Variants in MBTPS1 observed in about 807,000 individuals in gnomAD.
The protein encoded by MBTPS1 is membrane-bound transcription factor site-1 protease.
Under a neutral mutation model 127.8 loss-of-function variants are expected in MBTPS1, and 94 were observed. The ratio of observed to expected loss-of-function variants is 0.74; its 90% confidence interval spans 0.62 to 0.87. The LOEUF is 0.87. MBTPS1 is among the 40% of genes least tolerant of loss of function. The probability of loss-of-function intolerance (pLI) is 0.00; values close to 1 mark genes in which losing one functional copy is unlikely to be tolerated. For synonymous variants in MBTPS1, 632 were observed against 509.4 expected (o/e 1.24, Z -3.24); for missense variants, 1,636 against 1,353.2 (o/e 1.21, Z -3.28).
intron 8 of MBTPS1, among the ~76,000 whole-genome samples, chr16:84,088,802 A>T (rs2086064872): frequency 6.6e-6 from 1 of 152,188 alleles, no homozygotes; most frequent in Non-Finnish European, 1.5e-5. Context: ...CAGTCCCACC[A>T]GATGCCCAAG....
chr16:84,081,892 C>T lies in MBTPS1; in HGVS notation c.1303G>A (p.Glu435Lys). 1 of 1,446,072 alleles carries T rather than the reference C, an allele frequency of 6.9e-7. No individual in the cohort carries two copies. Among genetic ancestry groups the T allele is most frequent in the East Asian group, 2.6e-5 (1 of 37,850 alleles). 89.6% of individuals were successfully genotyped at this position (1,446,072 alleles called of 1,614,324 possible). A position where few individuals can be genotyped will look rare whatever the true frequency, so the allele number is the denominator to read the frequency against. Residue 435 changes from glutamate to lysine, a missense_variant, in exon 11 of 23, where the codon GAG becomes AAG. Glu to Lys is a moderately conservative substitution (Grantham distance 56, BLOSUM62 1). Transcript: ENST00000343411. ...TLLVSTVQKR[E>K]LVNPASMKQA... ...TTCATACTGGCGGGATTCACCAGCT[C>T]ACGCTTCTGGACTGTGCTGGAGGAA...
At chr16:84,060,846 T>A in intron 19 of MBTPS1, 33 bp from the exon 20 acceptor site, 2 of 687,900 alleles carry the variant, frequency 2.9e-6, no homozygotes, top group East Asian at 6.2e-5. Flanking sequence ...TAGGAATTCC[T>A]TTTTTTTTTT....
intron 2 of MBTPS1, among the ~76,000 whole-genome samples, chr16:84,099,940 G>A (rs1203693852): frequency 6.6e-6 from 1 of 152,182 alleles, no homozygotes; most frequent in Non-Finnish European, 1.5e-5. Context: ...AAGAAATTCA[G>A]AGAACTGAAT....
At position 84,067,790 on chromosome 16, in the gene MBTPS1, T is replaced by C; in HGVS notation, c.2105A>G (p.Tyr702Cys). ...TLLMVDSEEE[Y>C]FPEEIAKLRR... ...GAGCTTGGCGATCTCTTCAGGGAAGTACTCCTCCTCACTGTCCACCATCAG... is the reference window on the plus strand; with the variant it reads ...GAGCTTGGCGATCTCTTCAGGGAAGCACTCCTCCTCACTGTCCACCATCAG... The change falls in exon 16 of 23, where the codon TAC becomes TGC. Residue 702 changes from tyrosine to cysteine, a missense_variant. Physicochemically the swap from Tyr to Cys is radical, Grantham distance 194. Transcript: ENST00000343411. 1 of 1,613,416 alleles carries C rather than the reference T, an allele frequency of 6.2e-7. No individual in the cohort carries two copies. Among genetic ancestry groups the C allele is most frequent in the Non-Finnish European group, 8.5e-7 (1 of 1,179,470 alleles).
chr16:84,089,594 C>A (rs1456992344), intron 8 of MBTPS1, among the ~76,000 whole-genome samples: 1 of 152,238 alleles, frequency 6.6e-6, no homozygotes, highest in Non-Finnish European at 1.5e-5. Flanking sequence ...GTGCTCTCCC[C>A]CTGCTGTCTG....
intron 3 of MBTPS1, among the ~76,000 whole-genome samples, chr16:84,097,192 G>T (rs1226212468): frequency 6.6e-6 from 1 of 152,140 alleles, no homozygotes; most frequent in Non-Finnish European, 1.5e-5. Flanking sequence ...GAACCAAATG[G>T]GTGGGATGCA....
At chr16:84,089,356 C>T (rs1230502714) in intron 8 of MBTPS1, among the ~76,000 whole-genome samples, 1 of 152,194 alleles carries the variant, frequency 6.6e-6, no homozygotes, top group East Asian at 1.9e-4. Context: ...CACAATAACG[C>T]CTAAAATATT....
chr16:84,101,566 G>A, intron 2 of MBTPS1, 55 bp downstream of exon 2: 4 of 1,440,852 alleles, frequency 2.8e-6, no homozygotes, highest in South Asian at 2.6e-5. Flanking sequence ...TTTATATTAA[G>A]TAAGCTTTAA....
intron 14 of MBTPS1, among the ~76,000 whole-genome samples, chr16:84,069,629 G>A (rs902019648): frequency 2.0e-5 from 3 of 152,200 alleles, no homozygotes; most frequent in African/African-American, 7.2e-5. Context: ...CTGGCGCAAT[G>A]GGAGAAGGAA....
At chr16:84,065,465 A>AT (rs2085667929) in intron 18 of MBTPS1, among the ~76,000 whole-genome samples, 1 of 152,234 alleles carries the variant, frequency 6.6e-6, no homozygotes, top group African/African-American at 2.4e-5. Flanking sequence ...TATTGCGGTG[A>AT]TAAAATTGTT....
intron 7 of MBTPS1, among the ~76,000 whole-genome samples, chr16:84,091,328 A>T (rs902510034): frequency 4.6e-5 from 7 of 152,118 alleles, no homozygotes; most frequent in African/African-American, 1.7e-4. Flanking sequence ...TCTACTAAAA[A>T]TAGCAAAATT....
At chr16:84,091,672 G>C (rs1366836055) in intron 7 of MBTPS1, 60 bp downstream of exon 7, 4 of 1,139,686 alleles carry the variant, frequency 3.5e-6, no homozygotes, top group East Asian at 2.3e-5. Flanking sequence ...ATGATGCAAA[G>C]TTGGGCTGCG....
chr16:84,063,971 G>A (rs183514340), intron 18 of MBTPS1, among the ~76,000 whole-genome samples: 1 of 152,186 alleles, frequency 6.6e-6, no homozygotes, highest in African/African-American at 2.4e-5. Flanking sequence ...TTAGGTTTAA[G>A]ACATCGGTTA....
Position 84,101,878 on chromosome 16 carries a change from C to T in MBTPS1, c.-95G>A, listed in dbSNP as rs1031251269. 2.6e-6 allele frequency: 3 copies of T among 1,163,390 alleles called. No individual in the cohort carries two copies. Among genetic ancestry groups the T allele is most frequent in the African/African-American group, 1.5e-5 (1 of 65,158 alleles). The allele number at this position is 1,163,390 out of a possible 1,614,324, so 72.1% of individuals were successfully genotyped here. ...GAATTTTTGTTTCAGCTAAAAGCTGCAACATTACTAATCAGCCATCTTACA... is the reference window on the plus strand; with the variant it reads ...GAATTTTTGTTTCAGCTAAAAGCTGTAACATTACTAATCAGCCATCTTACA... On this transcript the variant is annotated 5_prime_UTR_variant, in exon 2 of 23. Coordinates refer to ENST00000343411, the MANE Select transcript of MBTPS1 (RefSeq NM_003791.4).
chr16:84,115,468 A>T (rs2086461343), intron 1 of MBTPS1, among the ~76,000 whole-genome samples: 1 of 152,228 alleles, frequency 6.6e-6, no homozygotes, highest in East Asian at 1.9e-4. Flanking sequence ...GCATAAAATA[A>T]ACTTTTATTT....
At chr16:84,068,063 T>C (rs949558630) in intron 15 of MBTPS1, among the ~76,000 whole-genome samples, 2 of 152,220 alleles carry the variant, frequency 1.3e-5, no homozygotes, top group African/African-American at 4.8e-5. Flanking sequence ...TTCATTCACT[T>C]GAGAAGGAGC....
At chr16:84,098,922 G>A in intron 3 of MBTPS1, 131 bp downstream of exon 3, 1 of 948,928 alleles carries the variant, frequency 1.1e-6, no homozygotes, top group South Asian at 1.7e-5. Flanking sequence ...TTCCTACCAG[G>A]AAAATGTTCA....
At chr16:84,107,933 C>A (rs550520895) in intron 1 of MBTPS1, among the ~76,000 whole-genome samples, 5 of 150,130 alleles carry the variant, frequency 3.3e-5, no homozygotes, top group African/African-American at 1.2e-4. Context: ...CTCAAACTCC[C>A]AGGCTCAAGA....
intron 11 of MBTPS1, 35 bp downstream of exon 11, chr16:84,081,712 G>A: frequency 7.6e-7 from 1 of 1,321,622 alleles, no homozygotes; most frequent in Non-Finnish European, 9.8e-7. Flanking sequence ...CCCAGTGAAG[G>A]AGAGAAAGAC....
Sources: allele counts gnomAD v4.1 joint callset (sites outside exome capture counted in the v4.1 genomes callset), GRCh38; gene constraint gnomAD v4.1.1; transcripts MANE v1.5; gene names NCBI Gene and HGNC (gene_info 2026-07-23, HGNC 2026-07-21).